The following FBXO38 variants were observed in gnomAD, a reference collection of about 807,000 sequenced individuals.
FBXO38 encodes F-box protein 38, also known as F-box only protein 38.
In FBXO38, 53 loss-of-function variants were observed where a neutral mutation model predicts 131.9. The ratio of observed to expected loss-of-function variants is 0.40; its 90% CI spans 0.32 to 0.51. FBXO38 has a LOEUF of 0.51. Ranked by LOEUF, FBXO38 falls within the 20% of genes least tolerant of loss-of-function variation. The pLI is 0.53. For synonymous variants in FBXO38, 452 were observed against 505.6 expected, an observed-to-expected ratio of 0.89 and a Z score of 1.42; for missense variants, 1,076 against 1,475.6, an observed-to-expected ratio of 0.73 and a Z score of 4.44.
At chr5:148,408,408 A>G (rs1277435035) in intron 7 of FBXO38, among the ~76,000 whole-genome samples, 2 of 152,232 alleles carry the variant, frequency 1.3e-5, no homozygotes, top group African/African-American at 2.4e-5. Flanking sequence ...TATGTTCACC[A>G]AAAGACATTT....
intron 1 of FBXO38, among the ~76,000 whole-genome samples, chr5:148,388,205 T>G (rs913402044): frequency 2.6e-5 from 4 of 152,216 alleles, no homozygotes; most frequent in African/African-American, 9.7e-5. Flanking sequence ...AGTAGAAGTC[T>G]TATTTAGTAT....
intron 17 of FBXO38, among the ~76,000 whole-genome samples, chr5:148,435,999 C>A (rs10044087): frequency 7.2e-5 from 11 of 152,116 alleles, no homozygotes; most frequent in Admixed American, 4.6e-4. Context: ...TGTGGCACCC[C>A]ACAATTAAAA....
intron 17 of FBXO38, chr5:148,434,222 A>C (rs551279802): frequency 9.0e-6 from 1 of 111,550 alleles, no homozygotes; most frequent in East Asian, 2.5e-4. Context: ...CCTCATTGTT[A>C]ATCTCATCTG....
chr5:148,441,950 T>G lies in FBXO38; in HGVS notation c.3389-19T>G. On this transcript the variant is annotated intron_variant, in intron 21 of 21. Transcript: ENST00000340253. ...TCTGATTATCATATGTATCTCTCCT[T>G]TTATTTCTAATTTCAAAGGCACTAT... is the stretch of plus-strand genomic sequence containing the variant. 1 of 1,601,174 alleles carries G rather than the reference T, an allele frequency of 6.2e-7. No individual in the cohort carries two copies. The highest frequency in any genetic ancestry group is 8.5e-7 in the Non-Finnish European group (1 of 1,173,304).
At chr5:148,394,567 G>T (rs528443958) in intron 1 of FBXO38, 147 bp from the exon 2 acceptor site, 66 of 292,912 alleles carry the variant, frequency 2.3e-4, no homozygotes, top group Admixed American at 5.7e-4. Flanking sequence ...TTTTTGCACA[G>T]AACAAATTAA....
At position 148,414,410 on chromosome 5, in the gene FBXO38, A is replaced by T. The variant is rs867399481; in HGVS notation, c.1264+104A>T. 4.7e-6 allele frequency: 5 copies of T among 1,057,650 alleles called. No individual in the cohort carries two copies. In the African/African-American group the frequency reaches 4.8e-5, roughly 10 times the overall value. 65.5% of individuals were successfully genotyped at this position (1,057,650 alleles called of 1,614,324 possible). A position where few individuals can be genotyped will look rare whatever the true frequency, so the allele number is the denominator to read the frequency against. Reference sequence around the variant, plus strand: ...TGATTGCATTCCTAATGTAAAATGTAGGTATTTCATTTGGATTGTTCATAC... The same window carrying T: ...TGATTGCATTCCTAATGTAAAATGTTGGTATTTCATTTGGATTGTTCATAC... On this transcript the variant is annotated intron_variant, in intron 10 of 21. Coordinates refer to ENST00000340253, the MANE Select transcript of FBXO38 (RefSeq NM_205836.3).
intron 5 of FBXO38, 156 bp downstream of exon 5, chr5:148,402,669 C>T: frequency 1.7e-6 from 1 of 598,806 alleles, no homozygotes; most frequent in South Asian, 2.9e-5. Context: ...TTCCGATTTC[C>T]CATTAAAGAT....
chr5:148,437,622 C>G (rs1754421432), intron 17 of FBXO38, among the ~76,000 whole-genome samples: 2 of 151,828 alleles, frequency 1.3e-5, no homozygotes, highest in South Asian at 4.2e-4. Context: ...AAAATTGGAC[C>G]AGGTTGAAAT....
At chr5:148,433,822 T>A in intron 17 of FBXO38, 85 bp downstream of exon 17, 4 of 677,032 alleles carry the variant, frequency 5.9e-6, no homozygotes, top group Non-Finnish European at 9.9e-6. Flanking sequence ...ATAGCATTAC[T>A]GTCTTATTTT....
intron 3 of FBXO38, chr5:148,399,352 T>C (rs1011938650): frequency 1.9e-6 from 1 of 534,134 alleles, no homozygotes; most frequent in Non-Finnish European, 3.3e-6. Context: ...TTCCTGTCCT[T>C]AAGTAACTAT....
intron 18 of FBXO38, among the ~76,000 whole-genome samples, chr5:148,438,833 A>G (rs1400216900): frequency 6.6e-6 from 1 of 152,142 alleles, no homozygotes; most frequent in African/African-American, 2.4e-5. Flanking sequence ...ACCCAGGATT[A>G]TTGTGATATT....
chr5:148,385,804 A>G (rs1359587488), intron 1 of FBXO38, among the ~76,000 whole-genome samples: 1 of 152,224 alleles, frequency 6.6e-6, no homozygotes, highest in East Asian at 1.9e-4. Context: ...AGCAAGCTGA[A>G]ACCAATAGAA....
At position 148,425,788 on chromosome 5, in the gene FBXO38, T is replaced by G. The variant is rs575868604; in HGVS notation, c.1918+87T>G. On this transcript the variant is annotated intron_variant, in intron 14 of 21. Coordinates refer to ENST00000340253, the MANE Select transcript of FBXO38 (RefSeq NM_205836.3). ...CCTTAATATGACAACTTGGGTGCAG[T>G]TAACATATATTACGGAATGTGACAG... The G allele has an allele frequency of 2.7e-6, 3 of 1,112,580 alleles. No individual in the cohort carries two copies. In the African/African-American group the frequency reaches 4.8e-5, roughly 18 times the overall value. The allele number at this position is 1,112,580 out of a possible 1,614,324, so 68.9% of individuals were successfully genotyped here.
chr5:148,398,101 G>T (rs969126348), intron 2 of FBXO38, among the ~76,000 whole-genome samples: 1 of 152,060 alleles, frequency 6.6e-6, no homozygotes. Context: ...GGTCAGAGAG[G>T]GGGAGATAAA....
At position 148,417,223 on chromosome 5, in the gene FBXO38, G is replaced by A; in HGVS notation, c.1618+19G>A. The A allele has an allele frequency of 2.7e-6, 4 of 1,503,138 alleles. No homozygotes were observed. The highest frequency in any genetic ancestry group is 3.7e-6 in the Non-Finnish European group (4 of 1,079,528). 93.1% of individuals were successfully genotyped at this position (1,503,138 alleles called of 1,614,324 possible). A position where few individuals can be genotyped will look rare whatever the true frequency, so the allele number is the denominator to read the frequency against. The stretch of plus-strand genomic sequence containing the variant: ...GCTGACGGTAACCCAGATCTTTTAT[G>A]AGCTCCAGATAGAAATGATTTTCAC... On this transcript the variant is annotated intron_variant, in intron 12 of 21. Coordinates refer to ENST00000340253, the MANE Select transcript of FBXO38 (RefSeq NM_205836.3).
At chr5:148,439,927 C>A in intron 19 of FBXO38, 135 bp downstream of exon 19, 2 of 830,364 alleles carry the variant, frequency 2.4e-6, no homozygotes, top group South Asian at 2.0e-5. Context: ...CTGAAGTTAA[C>A]GTAAGTAAGA....
At position 148,427,778 on chromosome 5, in the gene FBXO38, A is replaced by G. The variant is rs1313457188; in HGVS notation, c.2484A>G (p.Pro828=). Residue 828 remains proline (P), a synonymous_variant, in exon 15 of 22, where the codon CCA becomes CCG. Transcript: ENST00000340253. Reference sequence around the variant, plus strand: ...TGCCACAAGGGGGGTCTTCAGGCCCAGCACATGATGAGAGGACTAATGGGA... The same window carrying G: ...TGCCACAAGGGGGGTCTTCAGGCCCGGCACATGATGAGAGGACTAATGGGA... ...RTLPQGGSSG[P]AHDERTNGSG... The G allele has an allele frequency of 1.2e-6, 2 of 1,611,474 alleles. No individual in the cohort carries two copies. Among genetic ancestry groups the G allele is most frequent in the Non-Finnish European group, 1.7e-6 (2 of 1,178,610 alleles).
At position 148,410,714 on chromosome 5, in the gene FBXO38, C is replaced by T; in HGVS notation, c.1042C>T (p.Pro348Ser). Residue 348 changes from proline (P) to serine (S), a missense_variant, in exon 9 of 22, where the codon CCC (proline) becomes TCC (serine). Pro to Ser is a moderately conservative substitution (Grantham distance 74). Around this residue, in one of 8 missense-constraint regions of FBXO38, gnomAD observed 146 missense variants for 274.3 expected, o/e 0.53. Coordinates refer to ENST00000340253, the MANE Select transcript of FBXO38 (RefSeq NM_205836.3). The part of the protein sequence containing the change: ...SALKMAELEF[P>S]QFETLHLGYV... Reference sequence around the variant, plus strand: ...CCTAAAGATGGCAGAGTTGGAGTTTCCCCAGTTTGAAACCCTTCATCTAGG... The same window carrying T: ...CCTAAAGATGGCAGAGTTGGAGTTTTCCCAGTTTGAAACCCTTCATCTAGG... The T allele has an allele frequency of 6.2e-7, 1 of 1,613,954 alleles. No homozygotes were observed. Among genetic ancestry groups the T allele is most frequent in the Non-Finnish European group, 8.5e-7 (1 of 1,179,930 alleles).
chr5:148,409,323 A>G lies in FBXO38; in HGVS notation c.962+106A>G, dbSNP rs952168682. The G allele has an allele frequency of 2.2e-5, 16 of 737,018 alleles. No homozygotes were observed. The Admixed American group carries it at 3.1e-4, about 14-fold the overall frequency. 45.7% of individuals were successfully genotyped at this position (737,018 alleles called of 1,614,324 possible). On this transcript the variant is annotated intron_variant, in intron 8 of 21. Transcript: ENST00000340253. ...GTGTGTATATATGTGTGTACATTTG[A>G]TCAAGCCTTGTTCAAATTTAAAATA...
Sources: allele counts gnomAD v4.1 joint callset (sites outside exome capture counted in the v4.1 genomes callset), GRCh38; gene constraint gnomAD v4.1.1; regional missense constraint gnomAD v4.1.1; transcripts MANE v1.5; gene names NCBI Gene and HGNC (gene_info 2026-07-23, HGNC 2026-07-21).